TMEM154: variants seen among roughly 807,000 people sequenced by gnomAD.
TMEM154 encodes transmembrane protein 154.
TMEM154 carries 27 observed loss-of-function variants against 24.5 expected under a neutral mutation model. That is an observed-to-expected ratio of 1.10 (90% CI 0.81 to 1.52). The LOEUF (loss-of-function observed/expected upper bound fraction) is 1.52. TMEM154 is among the 40% of genes most tolerant of loss of function. The pLI is 0.00. For synonymous variants in TMEM154, 67 were observed against 76.8 expected (o/e 0.87, Z 0.67); for missense variants, 228 against 213.4 (o/e 1.07, Z -0.43).
At chr4:152,664,305 A>G (rs1294182586) in intron 1 of TMEM154, among the ~76,000 whole-genome samples, 2 of 151,980 alleles carry the variant, frequency 1.3e-5, no homozygotes, top group African/African-American at 2.4e-5. Context: ...GTTCTCACTC[A>G]TAAGTGGGAG....
chr4:152,655,110 C>CA (rs1728464482), intron 1 of TMEM154, among the ~76,000 whole-genome samples: 2 of 152,080 alleles, frequency 1.3e-5, no homozygotes, highest in South Asian at 2.1e-4. Flanking sequence ...CACCTCTTCA[C>CA]AAAAAATAAC....
chr4:152,647,241 A>T (rs1387514741), intron 3 of TMEM154: 2 of 985,084 alleles, frequency 2.0e-6, no homozygotes, highest in Non-Finnish European at 2.4e-6. Context: ...CATAGTGTGC[A>T]GGTGTCCATG....
At chr4:152,652,290 G>T (rs1217318351) in intron 3 of TMEM154, among the ~76,000 whole-genome samples, 1 of 139,314 alleles carries the variant, frequency 7.2e-6, no homozygotes, top group South Asian at 2.2e-4. Flanking sequence ...AAAAAAAAAA[G>T]CAATACCTGT....
intron 5 of TMEM154, 119 bp from the exon 6 acceptor site, chr4:152,641,104 G>T (rs1388563420): frequency 9.4e-6 from 8 of 847,026 alleles, no homozygotes; most frequent in Non-Finnish European, 1.1e-5. Flanking sequence ...CACAAAAATG[G>T]CCTCACCAAG....
chr4:152,650,597 T>C (rs74289483), intron 3 of TMEM154, among the ~76,000 whole-genome samples: 7,281 of 152,282 alleles, frequency 0.048, 212 homozygotes, highest in East Asian at 0.072. Context: ...ACTGTTGATG[T>C]TGATATTTTG....
rs566737091 is a variant in TMEM154, at chr4:152,619,363, A to G, written c.*9183T>C. 2.6e-5 allele frequency: 4 copies of G among 152,328 alleles called. No individual in the cohort carries two copies. The South Asian group carries it at 6.2e-4, about 24-fold the overall frequency. The allele number at this position is 152,328 out of a possible 1,614,324, so 9.4% of individuals were successfully genotyped here. ...CGAAACTACCTAATATATTTCCTCG[A>G]TATTGCATGAAGACACACCAATTTG... On this transcript the variant is annotated 3_prime_UTR_variant, in exon 7 of 7. Transcript: ENST00000304385.
At chr4:152,661,264 G>A (rs113554941) in intron 1 of TMEM154, among the ~76,000 whole-genome samples, 258 of 133,304 alleles carry the variant, frequency 1.9e-3, no homozygotes, top group African/African-American at 6.1e-3. Context: ...AAATAAATGA[G>A]AATCAAGGGA....
chr4:152,640,892 CATATA>C, intron 6 of TMEM154, 31 bp downstream of exon 6: 39 of 1,453,914 alleles, frequency 2.7e-5, no homozygotes, highest in Middle Eastern at 1.7e-4. Context: ...CGCCCCCCGC[CATATA>C]CATGTAATCT....
intron 1 of TMEM154, among the ~76,000 whole-genome samples, chr4:152,671,287 T>C (rs770244007): frequency 6.6e-6 from 1 of 152,204 alleles, no homozygotes; most frequent in Non-Finnish European, 1.5e-5. Context: ...CATTAGCTTG[T>C]AATGATGCCA....
rs1352759771 is a variant in TMEM154, at chr4:152,625,699, AAGTCAG to A, written c.*2841_*2846del. On this transcript the variant is annotated 3_prime_UTR_variant, in exon 7 of 7. Transcript: ENST00000304385. ...ACTCCATCTCAAAAAAAAAAAAAAA[AAGTCAG>A]GTGAGAAGAAGTAGCACATAGTGAA... 2 of 151,556 alleles carry A rather than the reference AAGTCAG, an allele frequency of 1.3e-5. No homozygotes were observed. Among genetic ancestry groups the A allele is most frequent in the African/African-American group, 4.9e-5 (2 of 41,166 alleles). The allele number at this position is 151,556 out of a possible 1,614,324, so 9.4% of individuals were successfully genotyped here.
chr4:152,653,046 G>A, intron 1 of TMEM154, 119 bp from the exon 2 acceptor site: 1 of 1,047,588 alleles, frequency 9.5e-7, no homozygotes, highest in Non-Finnish European at 1.4e-6. Flanking sequence ...CACTATACTT[G>A]GCCTCCAAGC....
Position 152,628,329 on chromosome 4 carries a change from G to T in TMEM154, c.*217C>A. 1.3e-6 allele frequency: 1 copy of T among 762,104 alleles called. No homozygotes were observed. The highest frequency in any genetic ancestry group is 2.1e-6 in the Non-Finnish European group (1 of 467,588). 47.2% of individuals were successfully genotyped at this position (762,104 alleles called of 1,614,324 possible). On this transcript the variant is annotated 3_prime_UTR_variant, in exon 7 of 7. Transcript: ENST00000304385. ...CCCTCAGAGGCAGCGATGGATGGCA[G>T]CCAGGCCTTTTCCTAGTACTTCTCA...
At chr4:152,670,289 A>G (rs926169358) in intron 1 of TMEM154, among the ~76,000 whole-genome samples, 2 of 152,228 alleles carry the variant, frequency 1.3e-5, no homozygotes, top group Non-Finnish European at 2.9e-5. Context: ...CTGTTCATAC[A>G]TTAAAAGATT....
rs1457932049 is a variant in TMEM154 at position 152,622,541 on chromosome 4, C to T, written c.*6005G>A. 2 of 152,034 alleles carry T rather than the reference C, an allele frequency of 1.3e-5. No homozygotes were observed. Among genetic ancestry groups the T allele is most frequent in the Non-Finnish European group, 2.9e-5 (2 of 67,998 alleles). The allele number at this position is 152,034 out of a possible 1,614,324, so 9.4% of individuals were successfully genotyped here. A position where few individuals can be genotyped will look rare whatever the true frequency, so the allele number is the denominator to read the frequency against. On this transcript the variant is annotated 3_prime_UTR_variant, in exon 7 of 7. Coordinates refer to ENST00000304385, the MANE Select transcript of TMEM154 (RefSeq NM_152680.3). ...GAAATTCACATAGAAGCTATTCATTCCTCATATCTTATAGTGCTTTATTTT... is the reference window on the plus strand; with the variant it reads ...GAAATTCACATAGAAGCTATTCATTTCTCATATCTTATAGTGCTTTATTTT...
At chr4:152,660,246 T>C (rs965569464) in intron 1 of TMEM154, among the ~76,000 whole-genome samples, 10 of 152,110 alleles carry the variant, frequency 6.6e-5, no homozygotes, top group Admixed American at 2.0e-4. Context: ...CCTTGGCCAG[T>C]GAAGACTGGT....
chr4:152,639,360 T>C (rs1249671512), intron 6 of TMEM154, among the ~76,000 whole-genome samples: 1 of 152,306 alleles, frequency 6.6e-6, no homozygotes, highest in East Asian at 1.9e-4. Flanking sequence ...TAAAAACCAC[T>C]GAGGGTAGTT....
In TMEM154 at chr4:152,662,748, C is replaced by T. The variant is rs1252818876; in HGVS notation, c.65-9821G>A. Among the ~76,000 whole-genome samples the T allele has an allele frequency of 3.3e-5, 5 of 152,272 alleles. No homozygotes were observed. The South Asian group carries it at 6.2e-4, about 19-fold the overall frequency. On this transcript the variant is annotated intron_variant, in intron 1 of 6. Coordinates refer to ENST00000304385, the MANE Select transcript of TMEM154 (RefSeq NM_152680.3). ...CATAATCGTCCATGGAGATTTCCTG[C>T]GGGCGGCATCCTGGGCTTCTTGGGT...
Position 152,679,889 on chromosome 4 carries a change from C to A in TMEM154, c.45G>T (p.Ala15=). The A allele has an allele frequency of 6.2e-7, 1 of 1,610,214 alleles. No homozygotes were observed. Among genetic ancestry groups the A allele is most frequent in the Non-Finnish European group, 8.5e-7 (1 of 1,178,748 alleles). ...RAALVFALVI[A]LVPVGRGNYE... is the part of the protein sequence containing the mutation. ...GCTTACCCCGGCCGACGGGAACGAG[C>A]GCGATCACCAGGGCGAAGACTAGGG... Residue 15 remains alanine, a synonymous_variant, in exon 1 of 7, where the codon GCG becomes GCT. Transcript: ENST00000304385.
chr4:152,640,892 C>T (rs759733652), intron 6 of TMEM154, 36 bp downstream of exon 6: 10 of 1,453,968 alleles, frequency 6.9e-6, no homozygotes, highest in Middle Eastern at 1.7e-4. Flanking sequence ...CGCCCCCCGC[C>T]ATATACATGT....
Sources: gnomAD v4.1 joint callset for allele counts (sites outside exome capture counted in the v4.1 genomes callset) on GRCh38, gnomAD v4.1.1 for gene constraint, MANE v1.5 for transcripts, NCBI Gene and HGNC (gene_info 2026-07-23, HGNC 2026-07-21) for gene names.